Variants in LRRC28 observed in about 807,000 individuals in gnomAD.
The protein encoded by LRRC28 is leucine rich repeat containing 28.
Under a neutral mutation model 45.7 loss-of-function variants are expected in LRRC28, and 39 were observed. The observed-to-expected ratio is 0.85, with a 90% CI of 0.66 to 1.12. The LOEUF is 1.12. Ranked by LOEUF, LRRC28 falls within the 50% of genes most tolerant of loss-of-function variation. The probability of loss-of-function intolerance (pLI) is 0.00; values close to 1 mark genes in which losing one functional copy is unlikely to be tolerated. For missense variants in LRRC28, 435 were observed against 438.5 expected (o/e 0.99, Z 0.07); for synonymous variants, 206 against 178.8 (o/e 1.15, Z -1.22).
At chr15:99,307,718 C>T (rs961258285) in intron 5 of LRRC28, among the ~76,000 whole-genome samples, 25 of 152,208 alleles carry the variant, frequency 1.6e-4, no homozygotes, top group African/African-American at 5.5e-4. Flanking sequence ...TGCCATTAGC[C>T]TTGCCTTTGT....
At chr15:99,256,209 G>C (rs2081016706) in intron 2 of LRRC28, 84 bp downstream of exon 2, 1 of 1,080,904 alleles carries the variant, frequency 9.3e-7, no homozygotes, top group African/African-American at 1.6e-5. Flanking sequence ...AAGGTATTCA[G>C]ACCAAGACTT....
chr15:99,324,766 A>G (rs905389803), intron 5 of LRRC28, among the ~76,000 whole-genome samples: 13 of 152,252 alleles, frequency 8.5e-5, no homozygotes, highest in Admixed American at 6.5e-5. Flanking sequence ...CTGTAAAGTT[A>G]GAGACACTAA....
At chr15:99,299,911 GTATCTT>G (rs1042157508) in intron 5 of LRRC28, among the ~76,000 whole-genome samples, 11 of 152,168 alleles carry the variant, frequency 7.2e-5, no homozygotes, top group Admixed American at 2.6e-4. Flanking sequence ...CAAAAAATGA[GTATCTT>G]TATATGCTTA....
At chr15:99,262,676 C>T (rs779853432) in intron 2 of LRRC28, among the ~76,000 whole-genome samples, 2 of 152,022 alleles carry the variant, frequency 1.3e-5, no homozygotes, top group Non-Finnish European at 2.9e-5. Flanking sequence ...CAGGGTCTTT[C>T]TGTGTTGCCC....
At chr15:99,351,857 G>A (rs948230282) in intron 6 of LRRC28, among the ~76,000 whole-genome samples, 1 of 152,192 alleles carries the variant, frequency 6.6e-6, no homozygotes, top group Non-Finnish European at 1.5e-5. Context: ...TGAATATAAC[G>A]TGGGCAAGTA....
intron 6 of LRRC28, among the ~76,000 whole-genome samples, chr15:99,351,112 T>G (rs74246778): frequency 0.1 from 15,965 of 152,114 alleles, 1,110 homozygotes; most frequent in East Asian, 0.35. Context: ...CCTGCCATAT[T>G]ATGTTCTTTC....
rs960585772 is a variant in LRRC28 at position 99,301,788 on chromosome 15, G to A, written c.385+13837G>A. On this transcript the variant is annotated intron_variant, in intron 5 of 9. Transcript: ENST00000301981. ...TATTACCAGTGTTTGTTTCCTATCC[G>A]TAGTTTAAATTTCTAACTACTTCTA... Among the ~76,000 whole-genome samples the A allele has an allele frequency of 4.6e-5, 7 of 152,066 alleles. No homozygotes were observed. The East Asian group carries it at 5.8e-4, about 13-fold the overall frequency.
chr15:99,373,611 T>G (rs2152335212), intron 9 of LRRC28, among the ~76,000 whole-genome samples: 1 of 152,336 alleles, frequency 6.6e-6, no homozygotes, highest in East Asian at 1.9e-4. Flanking sequence ...ATACTAGGTC[T>G]TATTCATTCT....
intron 6 of LRRC28, 93 bp downstream of exon 6, chr15:99,334,222 C>T (rs1342488314): frequency 7.9e-6 from 11 of 1,401,084 alleles, no homozygotes; most frequent in Non-Finnish European, 1.1e-5. Context: ...TTCCTTCCTT[C>T]TGTTTATCTT....
chr15:99,292,377 A>ATTTTTTTT (rs2082144808), intron 5 of LRRC28, among the ~76,000 whole-genome samples: 1 of 58,116 alleles, frequency 1.7e-5, no homozygotes, highest in Non-Finnish European at 3.4e-5. Context: ...TTTTTTTTTG[A>ATTTTTTTT]AACGGAGTCT....
intron 5 of LRRC28, among the ~76,000 whole-genome samples, chr15:99,323,965 GAGAA>G (rs1955885827): frequency 6.6e-6 from 1 of 152,132 alleles, no homozygotes; most frequent in Non-Finnish European, 1.5e-5. Context: ...CACAGCTCAA[GAGAA>G]AGAAAATGGA....
At chr15:99,346,716 T>G (rs1956694624) in intron 6 of LRRC28, among the ~76,000 whole-genome samples, 1 of 152,176 alleles carries the variant, frequency 6.6e-6, no homozygotes, top group Non-Finnish European at 1.5e-5. Context: ...CCAGAATTCA[T>G]TGTAAATTTA....
At chr15:99,322,048 A>T (rs1955815945) in intron 5 of LRRC28, among the ~76,000 whole-genome samples, 3 of 152,166 alleles carry the variant, frequency 2.0e-5, no homozygotes, top group African/African-American at 7.2e-5. Flanking sequence ...GTTGGGAAGG[A>T]GCATTCCTGA....
chr15:99,343,670 T>C (rs944875527), intron 6 of LRRC28, among the ~76,000 whole-genome samples: 5 of 152,218 alleles, frequency 3.3e-5, no homozygotes, highest in African/African-American at 1.2e-4. Context: ...GCACAGGAAC[T>C]TTAAAAATAT....
At chr15:99,350,073 T>A (rs904901132) in intron 6 of LRRC28, among the ~76,000 whole-genome samples, 1 of 150,904 alleles carries the variant, frequency 6.6e-6, no homozygotes, top group Non-Finnish European at 1.5e-5. Flanking sequence ...GAAGCGGAGC[T>A]TGCAGTGAGC....
intron 2 of LRRC28, among the ~76,000 whole-genome samples, chr15:99,274,451 T>G (rs1442194824): frequency 1.3e-5 from 2 of 152,200 alleles, no homozygotes; most frequent in Admixed American, 1.3e-4. Flanking sequence ...TCTCACATCT[T>G]CATACCTAAT....
chr15:99,354,891 C>T (rs989057746), intron 7 of LRRC28, among the ~76,000 whole-genome samples: 1 of 152,142 alleles, frequency 6.6e-6, no homozygotes, highest in Non-Finnish European at 1.5e-5. Flanking sequence ...AATTACAGTA[C>T]CCTTTTCAGA....
At chr15:99,325,085 T>G (rs1955927525) in intron 5 of LRRC28, among the ~76,000 whole-genome samples, 1 of 152,212 alleles carries the variant, frequency 6.6e-6, no homozygotes, top group Non-Finnish European at 1.5e-5. Flanking sequence ...TTCTGTTTAT[T>G]TAGATCTTCT....
intron 5 of LRRC28, among the ~76,000 whole-genome samples, chr15:99,317,067 G>A (rs954706209): frequency 1.3e-5 from 2 of 151,118 alleles, no homozygotes; most frequent in Non-Finnish European, 2.9e-5. Flanking sequence ...ATAATAGTCA[G>A]AGCCTCATAA....
Sources: allele counts gnomAD v4.1 joint callset (sites outside exome capture counted in the v4.1 genomes callset), GRCh38; gene constraint gnomAD v4.1.1; transcripts MANE v1.5; gene names NCBI Gene and HGNC (gene_info 2026-07-23, HGNC 2026-07-21).